The following HYAL4 variants were observed in gnomAD, a reference collection of about 807,000 sequenced individuals.
HYAL4 encodes hyaluronidase-4.
In HYAL4, 37 loss-of-function variants were observed where a neutral mutation model predicts 35.2. The ratio of observed to expected loss-of-function variants is 1.05; its 90% CI spans 0.81 to 1.38. The LOEUF (loss-of-function observed/expected upper bound fraction) is 1.38, where lower values mean the gene tolerates loss of function less well. Among genes scored for constraint, HYAL4 ranks in the 40% most tolerant of loss-of-function variants. The pLI, the probability that HYAL4 is intolerant of heterozygous loss-of-function variation, is 0.00. For synonymous variants in HYAL4, 198 were observed against 203.2 expected, an observed-to-expected ratio of 0.97 and a Z score of 0.22; for missense variants, 572 against 572.4, an observed-to-expected ratio of 1.00 and a Z score of 0.01.
the HYAL4 span, among the ~76,000 whole-genome samples, chr7:123,763,732 T>A: frequency 5.3e-5 from 8 of 152,210 alleles, no homozygotes; most frequent in Non-Finnish European, 1.0e-4. Context: ...CTGTCACCTC[T>A]CAATGTAAGA....
chr7:123,827,628 C>T (rs1805817184), upstream of HYAL4, among the ~76,000 whole-genome samples: 2 of 152,106 alleles, frequency 1.3e-5, no homozygotes. Flanking sequence ...TTGAATGTGC[C>T]TGTAACAAAT....
rs560899346 is a variant in HYAL4 at position 123,856,722 on chromosome 7, G to A, written c.-52+8564G>A. On this transcript the variant is annotated intron_variant, in intron 2 of 4. Coordinates refer to ENST00000223026, the MANE Select transcript of HYAL4 (RefSeq NM_012269.3). ...GCAGAGCTTGATCACTGTGCTGGGA[G>A]ATCCACTGCTCTCTTCAGAGCCAGC... is the stretch of plus-strand genomic sequence containing the variant. 1.1e-4 allele frequency among the ~76,000 whole-genome samples: 16 copies of A among 152,318 alleles called. No homozygotes were observed. The South Asian group carries it at 3.1e-3, about 30-fold the overall frequency.
upstream of HYAL4, among the ~76,000 whole-genome samples, chr7:123,843,381 T>C (rs1449249057): frequency 3.9e-5 from 6 of 152,120 alleles, no homozygotes; most frequent in Non-Finnish European, 8.8e-5. Flanking sequence ...GTTAGTCTAA[T>C]GGGCTTCCCT....
intron 2 of HYAL4, among the ~76,000 whole-genome samples, chr7:123,859,979 A>G (rs1008084552): frequency 6.6e-6 from 1 of 152,174 alleles, no homozygotes; most frequent in Non-Finnish European, 1.5e-5. Context: ...CTCATCTCAA[A>G]TTATCATCCC....
chr7:123,867,853 T>A (rs1477951591), intron 2 of HYAL4, among the ~76,000 whole-genome samples: 1 of 152,036 alleles, frequency 6.6e-6, no homozygotes, highest in African/African-American at 2.4e-5. Flanking sequence ...ATTACAAGTT[T>A]AAAAAAAATA....
At chr7:123,832,205 T>C (rs558074109) in intron 1 of HYAL4, among the ~76,000 whole-genome samples, 5 of 152,282 alleles carry the variant, frequency 3.3e-5, no homozygotes, top group Admixed American at 3.3e-4. Context: ...CCCATTTCCA[T>C]TTTTTGAATA....
chr7:123,828,462 A>ACACACACC (rs1554415979), upstream of HYAL4, among the ~76,000 whole-genome samples: 87 of 137,546 alleles, frequency 6.3e-4, 1 homozygote, highest in Admixed American at 5.4e-3. Context: ...ACACACACAC[A>ACACACACC]CCTCTAAAAA....
At chr7:123,812,435 G>A in the HYAL4 span, among the ~76,000 whole-genome samples, 1 of 152,184 alleles carries the variant, frequency 6.6e-6, no homozygotes, top group East Asian at 1.9e-4. Flanking sequence ...TACTGTAGTA[G>A]AAGTCTGTTA....
At chr7:123,799,152 CTT>C in the HYAL4 span, among the ~76,000 whole-genome samples, 1 of 152,080 alleles carries the variant, frequency 6.6e-6, no homozygotes, top group Non-Finnish European at 1.5e-5. Context: ...ATTACAAACT[CTT>C]TTAGTATTGA....
the HYAL4 span, among the ~76,000 whole-genome samples, chr7:123,821,699 T>C: frequency 6.6e-6 from 1 of 152,226 alleles, no homozygotes. Context: ...TTTGGTGTCA[T>C]GTCTAAGGAA....
In HYAL4 at chr7:123,877,038, A is replaced by T. The variant is rs1488835030; in HGVS notation, c.1329A>T (p.Gly443=). The T allele has an allele frequency of 6.2e-7, 1 of 1,614,184 alleles. No homozygotes were observed. Among genetic ancestry groups the T allele is most frequent in the Non-Finnish European group, 8.5e-7 (1 of 1,180,014 alleles). ...FSCHCYQGYE[G]ADCREIKTAD... ...GTCATTGTTATCAGGGATATGAAGGAGCTGATTGCAGAGAAATAAAGACGG... is the reference window on the plus strand; with the variant it reads ...GTCATTGTTATCAGGGATATGAAGGTGCTGATTGCAGAGAAATAAAGACGG... Residue 443 remains glycine, a synonymous_variant, in exon 5 of 5, where the codon GGA becomes GGT. Transcript: ENST00000223026.
chr7:123,800,476 T>TAAAAA, the HYAL4 span, among the ~76,000 whole-genome samples: 1 of 120,354 alleles, frequency 8.3e-6, no homozygotes, highest in Admixed American at 8.5e-5. Flanking sequence ...GCCTGAAAAT[T>TAAAAA]AAAAAAAAAA....
intron 1 of HYAL4, among the ~76,000 whole-genome samples, chr7:123,832,253 T>A (rs1438795553): frequency 6.6e-6 from 1 of 152,080 alleles, no homozygotes; most frequent in Non-Finnish European, 1.5e-5. Context: ...ACAGCTCATA[T>A]ATCTAAAGTA....
chr7:123,802,148 A>G, the HYAL4 span, among the ~76,000 whole-genome samples: 2 of 152,206 alleles, frequency 1.3e-5, no homozygotes. Flanking sequence ...TTCCAAAAAG[A>G]AACATTTCCC....
intron 3 of HYAL4, among the ~76,000 whole-genome samples, chr7:123,872,157 C>T (rs1229097952): frequency 3.9e-5 from 6 of 152,106 alleles, no homozygotes; most frequent in South Asian, 2.1e-4. Flanking sequence ...CACTCTCCTC[C>T]CACCCTTGCA....
chr7:123,798,609 G>A, the HYAL4 span, among the ~76,000 whole-genome samples: 1 of 152,162 alleles, frequency 6.6e-6, no homozygotes, highest in Non-Finnish European at 1.5e-5. Flanking sequence ...TCACGTTCAC[G>A]GGGCTGACAG....
chr7:123,803,099 C>G, the HYAL4 span, among the ~76,000 whole-genome samples: 175 of 152,280 alleles, frequency 1.1e-3, 8 homozygotes, highest in South Asian at 0.035. Context: ...TCTCTCTACT[C>G]TAGCTGAAGT....
chr7:123,852,313 C>G (rs1806324066), intron 2 of HYAL4, among the ~76,000 whole-genome samples: 1 of 152,136 alleles, frequency 6.6e-6, no homozygotes, highest in South Asian at 2.1e-4. Flanking sequence ...AGTCTTTTCC[C>G]ATGCCTATGT....
chr7:123,779,489 A>C, the HYAL4 span, among the ~76,000 whole-genome samples: 1 of 150,884 alleles, frequency 6.6e-6, no homozygotes, highest in African/African-American at 2.4e-5. Context: ...AGGTGAAATA[A>C]TATGATGTCT....
Sources: allele counts gnomAD v4.1 joint callset (sites outside exome capture counted in the v4.1 genomes callset), GRCh38; gene constraint gnomAD v4.1.1; transcripts MANE v1.5; gene names NCBI Gene and HGNC (gene_info 2026-07-23, HGNC 2026-07-21).